MEF2C: variants seen among roughly 807,000 people sequenced by gnomAD.
MEF2C encodes myocyte enhancer factor 2C.
Under a neutral mutation model 50.5 loss-of-function variants are expected in MEF2C, and 6 were observed. The observed-to-expected ratio is 0.12, with a 90% CI of 0.07 to 0.23. The LOEUF is 0.23. MEF2C is among the 10% of genes least tolerant of loss of function. The pLI, the probability that MEF2C is intolerant of heterozygous loss-of-function variation, is 1.00. For synonymous variants in MEF2C, 183 were observed against 228.0 expected, an observed-to-expected ratio of 0.80 and a Z score of 1.78; for missense variants, 276 against 605.0, an observed-to-expected ratio of 0.46 and a Z score of 5.70.
intron 6 of MEF2C, among the ~76,000 whole-genome samples, chr5:88,732,728 G>C (rs1762238674): frequency 6.6e-6 from 1 of 152,184 alleles, no homozygotes; most frequent in South Asian, 2.1e-4. Context: ...GAGCTAGGGA[G>C]GAGTTGATTA....
chr5:88,759,490 A>AAAAT (rs1241398614), intron 4 of MEF2C, among the ~76,000 whole-genome samples: 1 of 152,182 alleles, frequency 6.6e-6, no homozygotes, highest in Non-Finnish European at 1.5e-5. Context: ...CTCAAAAATA[A>AAAAT]AAATAGATAA....
In MEF2C at chr5:88,761,278, C is replaced by T. The variant is rs567797470; in HGVS notation, c.309G>A (p.Ala103=). ...CAGGGCTGTGACCTACGGAATCGTC[C>T]GCATCGGGGTCTGGGCTGTCACAGC... ...LNGCDSPDPD[A]DDSVGHSPES... is the part of the protein sequence containing the mutation. The change falls in exon 4 of 11, where the codon GCG becomes GCA. Residue 103 remains alanine (A), a synonymous_variant. Coordinates refer to ENST00000504921, the MANE Select transcript of MEF2C (RefSeq NM_002397.5). The T allele has an allele frequency of 2.3e-5, 37 of 1,613,978 alleles. No homozygotes were observed. The highest frequency in any genetic ancestry group is 4.0e-5 in the African/African-American group (3 of 75,052).
At chr5:88,832,999 G>C (rs1158850790) in intron 1 of MEF2C, among the ~76,000 whole-genome samples, 1 of 152,104 alleles carries the variant, frequency 6.6e-6, no homozygotes, top group Non-Finnish European at 1.5e-5. Context: ...GCCTTGATGG[G>C]ACATGTAATT....
intron 1 of MEF2C, 126 bp from the exon 2 acceptor site, chr5:88,824,056 CT>C (rs544082159): frequency 9.8e-7 from 1 of 1,024,220 alleles, no homozygotes; most frequent in Non-Finnish European, 1.2e-6. Flanking sequence ...ATAAAAATAA[CT>C]TTTTTGTTAA....
upstream of MEF2C, chr5:88,883,337 A>AAGGAGGAGGAGG (rs567979916): frequency 6.6e-6 from 1 of 151,488 alleles, no homozygotes; most frequent in Non-Finnish European, 1.5e-5. Context: ...GGAGGAAGAG[A>AAGGAGGAGGAGG]AGGAGGAGGA....
chr5:88,720,706 T>C lies in MEF2C; in HGVS notation c.*1898A>G, dbSNP rs1450428774. 6.6e-6 allele frequency: 1 copy of C among 152,580 alleles called. No individual in the cohort carries two copies. The highest frequency in any genetic ancestry group is 1.9e-4 in the East Asian group (1 of 5,204). 9.5% of individuals were successfully genotyped at this position (152,580 alleles called of 1,614,324 possible). ...CTAGACTGAAATATCTTTTAAACAA[T>C]ATATATTGACTTTCTTATGGCACTC... On this transcript the variant is annotated 3_prime_UTR_variant, in exon 11 of 11. Transcript: ENST00000504921.
rs1413946274 is a variant in MEF2C at position 88,773,008 on chromosome 5, G to T, written c.259-11680C>A. On this transcript the variant is annotated intron_variant, in intron 3 of 10. Coordinates refer to ENST00000504921, the MANE Select transcript of MEF2C (RefSeq NM_002397.5). ...ATTGTTCTGATTAGAGAAAAGTGAA[G>T]TATCAGGAGTGCAGAGCGTCACTGG... 6 of 713,864 alleles carry T rather than the reference G, an allele frequency of 8.4e-6. No homozygotes were observed. In the African/African-American group the frequency reaches 9.6e-5, roughly 11 times the overall value. The allele number at this position is 713,864 out of a possible 1,614,324, so 44.2% of individuals were successfully genotyped here.
chr5:88,833,486 C>A (rs1180000928), intron 1 of MEF2C, among the ~76,000 whole-genome samples: 1 of 152,130 alleles, frequency 6.6e-6, no homozygotes, highest in South Asian at 2.1e-4. Flanking sequence ...CAGCCCAAAT[C>A]CTGCCATTAC....
chr5:88,862,724 G>A (rs1051470513), intron 1 of MEF2C, among the ~76,000 whole-genome samples: 16 of 152,240 alleles, frequency 1.1e-4, no homozygotes, highest in African/African-American at 1.9e-4. Context: ...GGGAGGACCC[G>A]GATCAGGCCA....
intron 1 of MEF2C, among the ~76,000 whole-genome samples, chr5:88,829,143 A>G (rs1406329844): frequency 6.6e-6 from 1 of 152,016 alleles, no homozygotes; most frequent in African/African-American, 2.4e-5. Context: ...ATAGTACCAC[A>G]TATACAAATA....
At chr5:88,731,543 G>T in intron 7 of MEF2C, 186 bp downstream of exon 7, 1 of 548,924 alleles carries the variant, frequency 1.8e-6, no homozygotes, top group African/African-American at 1.9e-5. Context: ...TTTTTTACAC[G>T]GAAAAGGGAA....
chr5:88,774,686 C>T (rs1033118574), intron 3 of MEF2C, among the ~76,000 whole-genome samples: 1 of 152,160 alleles, frequency 6.6e-6, no homozygotes, highest in Non-Finnish European at 1.5e-5. Flanking sequence ...CTCATTACCA[C>T]TCACCTAATA....
chr5:88,846,839 G>A (rs1262949607), intron 1 of MEF2C, among the ~76,000 whole-genome samples: 2 of 152,162 alleles, frequency 1.3e-5, no homozygotes, highest in African/African-American at 4.8e-5. Context: ...TACCAAACAC[G>A]TGGAATGGAT....
intron 1 of MEF2C, among the ~76,000 whole-genome samples, chr5:88,890,854 C>T (rs9293506): frequency 0.074 from 11,195 of 152,112 alleles, 874 homozygotes; most frequent in African/African-American, 0.2. Context: ...AAATCAGGCC[C>T]AGAGAAGTTA....
intron 3 of MEF2C, among the ~76,000 whole-genome samples, chr5:88,777,081 A>C (rs1451056841): frequency 6.6e-6 from 1 of 152,160 alleles, no homozygotes; most frequent in African/African-American, 2.4e-5. Context: ...TAGGTATTTC[A>C]ATTTCCATAA....
chr5:88,782,042 TGAG>T, intron 3 of MEF2C: 1 of 695,966 alleles, frequency 1.4e-6, no homozygotes, highest in Non-Finnish European at 1.8e-6. Context: ...CCCAGGAGTT[TGAG>T]AAGAGCCCAG....
chr5:88,847,778 A>C (rs926445797), intron 1 of MEF2C, among the ~76,000 whole-genome samples: 19 of 152,188 alleles, frequency 1.2e-4, no homozygotes, highest in African/African-American at 4.6e-4. Context: ...TGAATCTGGT[A>C]CATAAAATTA....
Position 88,719,095 on chromosome 5 carries a change from AAT to A in MEF2C, c.*3507_*3508del, listed in dbSNP as rs997590132. 5 of 152,216 alleles carry A rather than the reference AAT, an allele frequency of 3.3e-5. No homozygotes were observed. Among genetic ancestry groups the A allele is most frequent in the Non-Finnish European group, 7.4e-5 (5 of 68,024 alleles). 9.4% of individuals were successfully genotyped at this position (152,216 alleles called of 1,614,324 possible). A position where few individuals can be genotyped will look rare whatever the true frequency, so the allele number is the denominator to read the frequency against. On this transcript the variant is annotated 3_prime_UTR_variant, in exon 11 of 11. Coordinates refer to ENST00000504921, the MANE Select transcript of MEF2C (RefSeq NM_002397.5). ...TACTCTCTGGAGAAACAAACAACAA[AAT>A]AAAGAGGGCAAAAAATGCTATCTCT...
chr5:88,897,756 A>G (rs1007021688), intron 1 of MEF2C, among the ~76,000 whole-genome samples: 2 of 152,212 alleles, frequency 1.3e-5, no homozygotes, highest in African/African-American at 4.8e-5. Context: ...ACTTGTGTGC[A>G]TATGCTCCCT....
Sources: gnomAD v4.1 joint callset for allele counts (sites outside exome capture counted in the v4.1 genomes callset) on GRCh38, gnomAD v4.1.1 for gene constraint, MANE v1.5 for transcripts, NCBI Gene and HGNC (gene_info 2026-07-23, HGNC 2026-07-21) for gene names.